IL1RAPL1: variants seen among roughly 807,000 people sequenced by gnomAD.
The protein encoded by IL1RAPL1 is interleukin 1 receptor accessory protein like 1, also known as interleukin-1 receptor accessory protein-like 1.
In IL1RAPL1, 3 loss-of-function variants were observed where a neutral mutation model predicts 48.4. The ratio of observed to expected loss-of-function variants is 0.06; its 90% CI spans 0.03 to 0.16. The LOEUF (loss-of-function observed/expected upper bound fraction) is 0.16. Among genes scored for constraint, IL1RAPL1 ranks in the 10% least tolerant of loss-of-function variants. The pLI, the probability that IL1RAPL1 is intolerant of heterozygous loss-of-function variation, is 1.00. For missense variants in IL1RAPL1, 349 were observed against 530.6 expected, an observed-to-expected ratio of 0.66 and a Z score of 3.36; for synonymous variants, 185 against 187.7, an observed-to-expected ratio of 0.99 and a Z score of 0.12.
At chrX:28,679,011 A>G (rs1311150019) in intron 1 of IL1RAPL1, among the ~76,000 whole-genome samples, 1 of 111,968 alleles carries the variant, frequency 8.9e-6, no homozygotes, top group Non-Finnish European at 1.9e-5. Flanking sequence ...AGGAATCTCC[A>G]TACTGTTTTC....
chrX:28,776,978 A>G (rs1163330031), intron 1 of IL1RAPL1, among the ~76,000 whole-genome samples: 1 of 112,353 alleles, frequency 8.9e-6, no homozygotes, highest in Non-Finnish European at 1.9e-5. Flanking sequence ...GGCTTTTCAA[A>G]TATTTTACTA....
chrX:29,806,793 A>T (rs947012202), intron 6 of IL1RAPL1, among the ~76,000 whole-genome samples: 1 of 111,587 alleles, frequency 9.0e-6, no homozygotes, highest in African/African-American at 3.3e-5. Flanking sequence ...TCTCCACTCA[A>T]ATTTCATGAG....
chrX:28,865,173 C>T (rs981352548), intron 2 of IL1RAPL1, among the ~76,000 whole-genome samples: 1 of 111,940 alleles, frequency 8.9e-6, no homozygotes, highest in Non-Finnish European at 1.9e-5. Context: ...TGCAGTGGCT[C>T]ATGCCTGTAA....
At chrX:29,338,514 A>G (rs763277319) in intron 3 of IL1RAPL1, among the ~76,000 whole-genome samples, 2 of 112,260 alleles carry the variant, frequency 1.8e-5, no homozygotes, top group African/African-American at 6.5e-5. Context: ...CACATTTCCT[A>G]TATTACAACT....
intron 6 of IL1RAPL1, among the ~76,000 whole-genome samples, chrX:29,752,035 A>G (rs1168938117): frequency 1.0e-5 from 1 of 99,611 alleles, no homozygotes; most frequent in Non-Finnish European, 2.0e-5. Context: ...GTAACTACCT[A>G]TATCTATCTA....
At chrX:29,808,610 T>C (rs1185770163) in intron 6 of IL1RAPL1, among the ~76,000 whole-genome samples, 1 of 111,829 alleles carries the variant, frequency 8.9e-6, no homozygotes, top group Non-Finnish European at 1.9e-5. Flanking sequence ...GCCTGTTTTA[T>C]CTATCAGTTT....
intron 2 of IL1RAPL1, among the ~76,000 whole-genome samples, chrX:29,120,882 C>A (rs1327142549): frequency 1.8e-5 from 2 of 111,874 alleles, no homozygotes; most frequent in Non-Finnish European, 3.8e-5. Context: ...TAAATAGCAT[C>A]ATGCATCATG....
chrX:29,814,548 G>A (rs892368145), intron 6 of IL1RAPL1, among the ~76,000 whole-genome samples: 1 of 111,494 alleles, frequency 9.0e-6, no homozygotes, highest in South Asian at 3.7e-4. Context: ...GTACTCTGTT[G>A]ATAGTTTCTT....
chrX:29,529,811 G>A (rs916717067), intron 5 of IL1RAPL1, among the ~76,000 whole-genome samples: 7 of 111,296 alleles, frequency 6.3e-5, no homozygotes, highest in African/African-American at 1.6e-4. Flanking sequence ...GTGATTGTGT[G>A]TGAAAGAGAG....
chrX:29,070,706 T>C (rs112680254), intron 2 of IL1RAPL1, among the ~76,000 whole-genome samples: 17 of 111,359 alleles, frequency 1.5e-4, no homozygotes, highest in African/African-American at 5.5e-4. Flanking sequence ...AGTAAAGATA[T>C]GCAAAAACCA....
At chrX:29,805,397 G>GCA (rs746555380) in intron 6 of IL1RAPL1, among the ~76,000 whole-genome samples, 28 of 106,501 alleles carry the variant, frequency 2.6e-4, no homozygotes, top group South Asian at 8.1e-4. Flanking sequence ...AGTTACACAC[G>GCA]CACACACACA....
At chrX:28,969,501 C>T (rs1442004554) in intron 2 of IL1RAPL1, among the ~76,000 whole-genome samples, 1 of 106,887 alleles carries the variant, frequency 9.4e-6, no homozygotes, top group Non-Finnish European at 1.9e-5. Flanking sequence ...CATTTTTGCT[C>T]AGTTTTTAGA....
intron 9 of IL1RAPL1, among the ~76,000 whole-genome samples, chrX:29,952,771 G>T (rs1462169358): frequency 2.7e-5 from 3 of 112,087 alleles, no homozygotes; most frequent in African/African-American, 9.7e-5. Flanking sequence ...GCCAAAATAT[G>T]ACACATTTGG....
At chrX:29,333,446 G>A (rs1204949379) in intron 3 of IL1RAPL1, among the ~76,000 whole-genome samples, 3 of 59,338 alleles carry the variant, frequency 5.1e-5, no homozygotes, top group Non-Finnish European at 7.7e-5. Context: ...CGGCTGGCCG[G>A]GCAGAGGGGC....
At chrX:29,297,450 A>G (rs1165425146) in intron 3 of IL1RAPL1, among the ~76,000 whole-genome samples, 1 of 112,396 alleles carries the variant, frequency 8.9e-6, no homozygotes, top group African/African-American at 3.2e-5. Flanking sequence ...TGAATTTTTA[A>G]TGTTATTTAA....
At chrX:29,319,156 G>GTCTATCTA (rs1399121646) in intron 3 of IL1RAPL1, among the ~76,000 whole-genome samples, 19 of 53,342 alleles carry the variant, frequency 3.6e-4, no homozygotes, top group Admixed American at 5.8e-4. Context: ...CTGTCTATCT[G>GTCTATCTA]TCTGTCTATC....
intron 2 of IL1RAPL1, among the ~76,000 whole-genome samples, chrX:29,152,560 A>G (rs1048905428): frequency 3.8e-4 from 43 of 112,190 alleles, no homozygotes; most frequent in African/African-American, 1.4e-3. Context: ...GTAATCCACT[A>G]GCACAGTGTT....
intron 1 of IL1RAPL1, among the ~76,000 whole-genome samples, chrX:28,780,919 A>G (rs746428248): frequency 9.9e-5 from 11 of 111,297 alleles, no homozygotes; most frequent in South Asian, 3.8e-4. Context: ...TTAATTTCAG[A>G]AGTATTTGTG....
At chrX:29,937,723 T>A (rs1261384110) in intron 8 of IL1RAPL1, among the ~76,000 whole-genome samples, 16 of 111,565 alleles carry the variant, frequency 1.4e-4, no homozygotes, top group Non-Finnish European at 3.0e-4. Flanking sequence ...AAAGACACAT[T>A]TCCATTTTGT....
Sources: allele counts gnomAD v4.1 joint callset (sites outside exome capture counted in the v4.1 genomes callset), GRCh38; gene constraint gnomAD v4.1.1; transcripts MANE v1.5; gene names NCBI Gene and HGNC (gene_info 2026-07-23, HGNC 2026-07-21).